Variants in ERC1 observed in about 807,000 individuals in gnomAD.
ERC1 encodes the protein RAB6 interacting protein 2.
ERC1 carries 56 observed loss-of-function variants against 132.0 expected under a neutral mutation model. That is an observed-to-expected ratio of 0.42 (90% CI 0.34 to 0.53). The LOEUF (loss-of-function observed/expected upper bound fraction) is 0.53, where lower values mean the gene tolerates loss of function less well. ERC1 is among the 20% of genes least tolerant of loss of function. ERC1 has a pLI of 0.03. For synonymous variants in ERC1, 478 were observed against 476.1 expected, an observed-to-expected ratio of 1.00 and a Z score of -0.05; for missense variants, 1,202 against 1,349.9, an observed-to-expected ratio of 0.89 and a Z score of 1.72.
chr12:1,061,074 AG>A (rs1194434199), intron 2 of ERC1, among the ~76,000 whole-genome samples: 10 of 152,142 alleles, frequency 6.6e-5, no homozygotes. Flanking sequence ...ATTTGGGTAT[AG>A]TACACTATAT....
chr12:1,180,687 T>C lies in ERC1; in HGVS notation c.1875+10T>C. The C allele has an allele frequency of 6.2e-7, 1 of 1,613,988 alleles. No individual in the cohort carries two copies. Among genetic ancestry groups the C allele is most frequent in the Non-Finnish European group, 8.5e-7 (1 of 1,179,984 alleles). ...GGCCCTTGCAGAGAAAGTGAGTGGC[T>C]GGCCCCAACTCTCCACACACGTTTT... On this transcript the variant is annotated intron_variant, in intron 9 of 18. Coordinates refer to ENST00000360905, the MANE Select transcript of ERC1 (RefSeq NM_178040.4).
chr12:993,270 C>G (rs1026188185), intron 1 of ERC1, among the ~76,000 whole-genome samples: 2 of 152,094 alleles, frequency 1.3e-5, no homozygotes, highest in Non-Finnish European at 2.9e-5. Flanking sequence ...TATACATAGA[C>G]TTAATTAATT....
At position 1,494,824 on chromosome 12, in the gene ERC1, G is replaced by A. The variant is rs916264888; in HGVS notation, c.*4594G>A. ...TAGAAATGAAAAATTAAACAGCTGTGTTTTAAAAATGCAAACCAATATCTT... is the reference window on the plus strand; with the variant it reads ...TAGAAATGAAAAATTAAACAGCTGTATTTTAAAAATGCAAACCAATATCTT... On this transcript the variant is annotated 3_prime_UTR_variant, in exon 19 of 19. Transcript: ENST00000360905. 8.7e-6 allele frequency: 2 copies of A among 230,148 alleles called. No homozygotes were observed. Among genetic ancestry groups the A allele is most frequent in the African/African-American group, 2.2e-5 (1 of 45,204 alleles). The allele number at this position is 230,148 out of a possible 1,614,324, so 14.3% of individuals were successfully genotyped here.
chr12:1,208,740 T>G (rs534277979), intron 12 of ERC1, among the ~76,000 whole-genome samples: 1 of 152,254 alleles, frequency 6.6e-6, no homozygotes, highest in Non-Finnish European at 1.5e-5. Flanking sequence ...GGAAATTGAT[T>G]AATTCTGAAT....
intron 5 of ERC1, among the ~76,000 whole-genome samples, chr12:1,111,319 T>C (rs1945833157): frequency 6.6e-6 from 1 of 152,222 alleles, no homozygotes; most frequent in African/African-American, 2.4e-5. Flanking sequence ...TTGTTGTGGT[T>C]TCATTAAACA....
At chr12:1,100,458 A>G (rs1944536935) in intron 3 of ERC1, among the ~76,000 whole-genome samples, 1 of 152,160 alleles carries the variant, frequency 6.6e-6, no homozygotes, top group Non-Finnish European at 1.5e-5. Context: ...ATCACTCTAG[A>G]TGCTCTATTG....
intron 15 of ERC1, among the ~76,000 whole-genome samples, chr12:1,323,201 C>A (rs1236050702): frequency 3.3e-5 from 5 of 151,962 alleles, no homozygotes; most frequent in Non-Finnish European, 7.4e-5. Context: ...CCGAATAATT[C>A]TAATTTTAAT....
At chr12:1,471,173 C>T (rs56279539) in intron 18 of ERC1, among the ~76,000 whole-genome samples, 34 of 152,234 alleles carry the variant, frequency 2.2e-4, no homozygotes, top group Non-Finnish European at 5.0e-4. Flanking sequence ...ACCCGTAGTC[C>T]CAGCTGCTCA....
intron 1 of ERC1, among the ~76,000 whole-genome samples, chr12:1,012,699 C>G (rs1243556548): frequency 1.3e-5 from 2 of 152,076 alleles, no homozygotes; most frequent in Non-Finnish European, 2.9e-5. Context: ...CGTGGTCTGC[C>G]TGCCTTGGCC....
chr12:1,356,212 A>AGTGTGTGTG (rs1489476709), intron 15 of ERC1, among the ~76,000 whole-genome samples: 3,249 of 118,938 alleles, frequency 0.027, 47 homozygotes, highest in African/African-American at 0.05. Flanking sequence ...AAAAAAAAAA[A>AGTGTGTGTG]AGTGTGTGTG....
chr12:994,066 CAAAAAAA>C (rs72073964), intron 1 of ERC1, among the ~76,000 whole-genome samples: 7 of 64,264 alleles, frequency 1.1e-4, no homozygotes, highest in Admixed American at 2.6e-4. Context: ...AACTCCGTCT[CAAAAAAA>C]AAAAAAAAAA....
intron 1 of ERC1, among the ~76,000 whole-genome samples, chr12:1,011,418 T>C (rs540302649): frequency 1.3e-5 from 2 of 152,208 alleles, no homozygotes; most frequent in Admixed American, 6.5e-5. Flanking sequence ...ATTGCCCAGA[T>C]TGGTCTCAAA....
chr12:1,310,974 G>A (rs73032724), intron 15 of ERC1, among the ~76,000 whole-genome samples: 5,265 of 152,342 alleles, frequency 0.035, 94 homozygotes, highest in Middle Eastern at 0.075. Flanking sequence ...GCTGAACTGA[G>A]TGTGTTCACC....
At chr12:1,009,429 C>T (rs1187747473) in intron 1 of ERC1, among the ~76,000 whole-genome samples, 4 of 152,174 alleles carry the variant, frequency 2.6e-5, no homozygotes, top group Non-Finnish European at 5.9e-5. Context: ...CCACCTCGGC[C>T]TCCCAAAGTG....
At chr12:1,343,602 C>G (rs76117781) in intron 15 of ERC1, among the ~76,000 whole-genome samples, 1 of 152,008 alleles carries the variant, frequency 6.6e-6, no homozygotes, top group Admixed American at 6.6e-5. Flanking sequence ...GTTAGTGGCT[C>G]GGTGTTTTCA....
At chr12:1,330,337 G>A (rs536130411) in intron 15 of ERC1, among the ~76,000 whole-genome samples, 1 of 152,244 alleles carries the variant, frequency 6.6e-6, no homozygotes, top group East Asian at 1.9e-4. Context: ...TCATCACTCA[G>A]AACTTTAGAC....
chr12:1,251,622 A>G (rs1300553946), intron 13 of ERC1, among the ~76,000 whole-genome samples: 2 of 152,186 alleles, frequency 1.3e-5, no homozygotes, highest in Non-Finnish European at 2.9e-5. Context: ...TGCAGCTTTT[A>G]AAAACTCCTA....
At chr12:1,435,362 A>G (rs986985335) in intron 17 of ERC1, among the ~76,000 whole-genome samples, 1 of 152,162 alleles carries the variant, frequency 6.6e-6, no homozygotes, top group African/African-American at 2.4e-5. Context: ...ATAATAGGAC[A>G]TAGAAACAAA....
At chr12:1,482,527 A>G (rs1374403745) in intron 18 of ERC1, among the ~76,000 whole-genome samples, 1 of 151,920 alleles carries the variant, frequency 6.6e-6, no homozygotes. Context: ...GCTCACTGCA[A>G]CACCCACCTC....
Sources: allele counts gnomAD v4.1 joint callset (sites outside exome capture counted in the v4.1 genomes callset), GRCh38; gene constraint gnomAD v4.1.1; transcripts MANE v1.5; gene names NCBI Gene and HGNC (gene_info 2026-07-23, HGNC 2026-07-21).